Variants in SEMA4F observed in about 807,000 individuals in gnomAD.
The protein encoded by SEMA4F is ssemaphorin 4F, also known as semaphorin-4F.
SEMA4F carries 51 observed loss-of-function variants against 78.4 expected under a neutral mutation model. That is an observed-to-expected ratio of 0.65 (90% CI 0.52 to 0.82). SEMA4F has a LOEUF of 0.82. SEMA4F is among the 40% of genes least tolerant of loss of function. SEMA4F has a pLI of 0.00. For missense variants in SEMA4F, 938 were observed against 1,014.4 expected, an observed-to-expected ratio of 0.92 and a Z score of 1.02; for synonymous variants, 418 against 408.7, an observed-to-expected ratio of 1.02 and a Z score of -0.27.
At chr2:74,662,575 A>G (rs948564040) in intron 4 of SEMA4F, among the ~76,000 whole-genome samples, 157 bp from the exon 5 acceptor site, 1 of 152,152 alleles carries the variant, frequency 6.6e-6, no homozygotes, top group African/African-American at 2.4e-5. Flanking sequence ...GGGCATCAGG[A>G]ATAGCTGACT....
At chr2:74,695,049 T>G in the SEMA4F span, among the ~76,000 whole-genome samples, 1 of 152,190 alleles carries the variant, frequency 6.6e-6, no homozygotes, top group East Asian at 1.9e-4. Context: ...TACTGAGGAC[T>G]GTGATAGCTG....
intron 5 of SEMA4F, 56 bp downstream of exon 5, chr2:74,662,881 C>T (rs1684499671): frequency 2.9e-6 from 4 of 1,390,388 alleles, no homozygotes; most frequent in Non-Finnish European, 1.0e-6. Context: ...CCTTCCCCAC[C>T]CTTGCTGTTA....
chr2:74,679,642 T>C lies in SEMA4F; in HGVS notation c.1746T>C (p.His582=). The change falls in exon 14 of 14, where the codon CAT becomes CAC. Residue 582 remains histidine (H), a synonymous_variant. Coordinates refer to ENST00000357877, the MANE Select transcript of SEMA4F (RefSeq NM_004263.5). ...AAGTTCCCGTGGCTACAGCTGCGCA[T>C]GTGGTCTTGCCATGTTCTCCAAGCT... is the stretch of plus-strand genomic sequence containing the variant. The part of the protein sequence containing the change: ...VFEVPVATAA[H]VVLPCSPSSA... 6.2e-7 allele frequency: 1 copy of C among 1,611,260 alleles called. No individual in the cohort carries two copies. The highest frequency in any genetic ancestry group is 1.1e-5 in the South Asian group (1 of 91,044).
Position 74,680,463 on chromosome 2 carries a change from A to C in SEMA4F, c.*254A>C. The C allele has an allele frequency of 4.9e-6, 2 of 406,742 alleles. No individual in the cohort carries two copies. The highest frequency in any genetic ancestry group is 8.7e-6 in the Non-Finnish European group (2 of 229,550). 25.2% of individuals were successfully genotyped at this position (406,742 alleles called of 1,614,324 possible). On this transcript the variant is annotated 3_prime_UTR_variant, in exon 14 of 14. Transcript: ENST00000357877. Reference sequence around the variant, plus strand: ...ATCAGGGCTTCCCCCTAACATCTGAACTCCTGTAAACCTTCATCCCTGGCC... The same window carrying C: ...ATCAGGGCTTCCCCCTAACATCTGACCTCCTGTAAACCTTCATCCCTGGCC...
chr2:74,688,784 A>G (rs949725390), downstream of SEMA4F, among the ~76,000 whole-genome samples: 5 of 152,236 alleles, frequency 3.3e-5, no homozygotes, highest in Non-Finnish European at 7.3e-5. Flanking sequence ...CCAACGGAGT[A>G]GTTGGACAAA....
chr2:74,675,466 C>G, intron 10 of SEMA4F, 59 bp from the exon 11 acceptor site: 1 of 1,593,574 alleles, frequency 6.3e-7, no homozygotes, highest in Non-Finnish European at 8.6e-7. Context: ...ACATATAGGT[C>G]TGAGTCCCAG....
intron 5 of SEMA4F, among the ~76,000 whole-genome samples, chr2:74,666,280 A>G (rs1333203098): frequency 2.6e-5 from 4 of 152,226 alleles, no homozygotes; most frequent in Non-Finnish European, 5.9e-5. Flanking sequence ...GTGAATTCAT[A>G]TTAGAATGTG....
intron 5 of SEMA4F, among the ~76,000 whole-genome samples, chr2:74,663,665 C>T (rs575232831): frequency 7.0e-4 from 106 of 152,020 alleles, no homozygotes; most frequent in Non-Finnish European, 1.1e-3. Context: ...GGAGGAGGTG[C>T]TTTTTTAAAC....
rs1054056667 is a variant in SEMA4F at position 74,675,786 on chromosome 2, A to G, written c.1520A>G (p.Gln507Arg). The G allele has an allele frequency of 1.2e-6, 2 of 1,614,216 alleles. No homozygotes were observed. Among genetic ancestry groups the G allele is most frequent in the Admixed American group, 3.3e-5 (2 of 60,024 alleles). The change falls in exon 12 of 14, where the codon CAA (glutamine) becomes CGA (arginine). Residue 507 changes from glutamine to arginine, a missense_variant. Physicochemically the swap from Gln to Arg is conservative, Grantham distance 43. Transcript: ENST00000357877. ...GTTGGCTCCCGTACTGAGGTGACAC[A>G]AGTGAATACAACCAACTGTGGCCGT... ...LLVGSRTEVT[Q>R]VNTTNCGRLQ...
At position 74,679,861 on chromosome 2, in the gene SEMA4F, G is replaced by A; in HGVS notation, c.1965G>A (p.Arg655=). Residue 655 remains arginine, a synonymous_variant, in exon 14 of 14, where the codon CGG becomes CGA. Transcript: ENST00000357877. ...VWGSQRDAPS[R]AHTVGAGLAG... ...GCAGCCAGCGAGATGCTCCGAGCCG[G>A]GCCCACACAGTGGGGGCGGGACTGG... 1 of 1,614,194 alleles carries A rather than the reference G, an allele frequency of 6.2e-7. No homozygotes were observed. The highest frequency in any genetic ancestry group is 8.5e-7 in the Non-Finnish European group (1 of 1,180,028).
At chr2:74,676,025 TGTTA>T in intron 12 of SEMA4F, 116 bp downstream of exon 12, 1 of 1,097,806 alleles carries the variant, frequency 9.1e-7, no homozygotes, top group South Asian at 1.6e-5. Flanking sequence ...TTTTTCTGTC[TGTTA>T]GTGTCTACAT....
At chr2:74,689,142 G>A in the SEMA4F span, among the ~76,000 whole-genome samples, 2 of 152,134 alleles carry the variant, frequency 1.3e-5, no homozygotes, top group Admixed American at 1.3e-4. Flanking sequence ...TGAGAAACAG[G>A]TTTGGGATGC....
At chr2:74,672,254 G>T (rs1208244199) in intron 5 of SEMA4F, among the ~76,000 whole-genome samples, 1 of 152,114 alleles carries the variant, frequency 6.6e-6, no homozygotes, top group African/African-American at 2.4e-5. Context: ...CCTCTTCACT[G>T]GTTGCTTGTC....
At chr2:74,685,465 A>G (rs1223391846), downstream of SEMA4F, among the ~76,000 whole-genome samples, 13 of 152,030 alleles carry the variant, frequency 8.6e-5, no homozygotes, top group Admixed American at 8.5e-4. Context: ...GATGGTTGCC[A>G]TCTTTCCTTC....
chr2:74,701,485 C>T, the SEMA4F span, among the ~76,000 whole-genome samples: 1 of 152,160 alleles, frequency 6.6e-6, no homozygotes, highest in Non-Finnish European at 1.5e-5. Context: ...GACTTCCAAC[C>T]TCAGCTGTGT....
chr2:74,700,572 G>A, the SEMA4F span, among the ~76,000 whole-genome samples: 9 of 152,174 alleles, frequency 5.9e-5, no homozygotes, highest in African/African-American at 2.2e-4. Flanking sequence ...GCCTGGGGGT[G>A]TGGGAGGGAT....
At chr2:74,667,001 G>A (rs1684730941) in intron 5 of SEMA4F, among the ~76,000 whole-genome samples, 1 of 152,092 alleles carries the variant, frequency 6.6e-6, no homozygotes, top group Non-Finnish European at 1.5e-5. Flanking sequence ...AGTATTTTGA[G>A]TGTTTTCTTC....
At chr2:74,656,757 G>T in intron 2 of SEMA4F, 72 bp downstream of exon 2, 1 of 1,514,766 alleles carries the variant, frequency 6.6e-7, no homozygotes, top group Non-Finnish European at 9.1e-7. Context: ...ATGAGTGTGT[G>T]TGGGGGATTT....
downstream of SEMA4F, among the ~76,000 whole-genome samples, chr2:74,685,261 G>A (rs759739450): frequency 1.3e-5 from 2 of 152,114 alleles, no homozygotes; most frequent in Non-Finnish European, 2.9e-5. Context: ...TCAGTAAAAA[G>A]AGAAACTTAG....
Sources: gnomAD v4.1 joint callset for allele counts (sites outside exome capture counted in the v4.1 genomes callset) on GRCh38, gnomAD v4.1.1 for gene constraint, MANE v1.5 for transcripts, NCBI Gene and HGNC (gene_info 2026-07-23, HGNC 2026-07-21) for gene names.